CHORDC1: variants seen among roughly 807,000 people sequenced by gnomAD.
CHORDC1 encodes the protein cysteine and histidine rich domain containing 1.
Under a neutral mutation model 48.3 loss-of-function variants are expected in CHORDC1, and 25 were observed. The observed-to-expected ratio is 0.52, with a 90% CI of 0.38 to 0.72. The LOEUF (loss-of-function observed/expected upper bound fraction) is 0.72. CHORDC1 is among the 30% of genes least tolerant of loss of function. CHORDC1 has a pLI of 0.00. For missense variants in CHORDC1, 317 were observed against 388.7 expected (o/e 0.82, Z 1.55); for synonymous variants, 128 against 126.4 (o/e 1.01, Z -0.09).
chr11:90,222,829 C>G (rs1296818960), intron 1 of CHORDC1, 62 bp downstream of exon 1: 2 of 1,480,986 alleles, frequency 1.4e-6, no homozygotes, highest in African/African-American at 2.8e-5. Context: ...CCCTCCGGCC[C>G]AAAGGGCCTC....
intron 6 of CHORDC1, chr11:90,207,229 C>G (rs2135033118): frequency 6.1e-6 from 1 of 162,722 alleles, no homozygotes; most frequent in East Asian, 1.7e-4. Flanking sequence ...TTTAAGCAAT[C>G]AGACTATACT....
intron 7 of CHORDC1, 199 bp downstream of exon 7, chr11:90,206,003 T>C (rs1358727307): frequency 1.7e-6 from 1 of 578,620 alleles, no homozygotes; most frequent in Non-Finnish European, 3.1e-6. Context: ...ACTTAAGAAC[T>C]GTAACCTTGT....
intron 9 of CHORDC1, 91 bp downstream of exon 9, chr11:90,203,217 A>C (rs1473162981): frequency 1.6e-6 from 2 of 1,215,632 alleles, no homozygotes; most frequent in Non-Finnish European, 2.3e-6. Flanking sequence ...CCCCCAAATC[A>C]GCTGAGATAT....
chr11:90,204,806 TAAC>T (rs1857630733), intron 8 of CHORDC1, among the ~76,000 whole-genome samples: 1 of 152,086 alleles, frequency 6.6e-6, no homozygotes, highest in South Asian at 2.1e-4. Context: ...TAAAATACAT[TAAC>T]AATAGCTAAC....
intron 6 of CHORDC1, 74 bp downstream of exon 6, chr11:90,210,462 T>A (rs1857828796): frequency 1.1e-6 from 1 of 877,878 alleles, no homozygotes; most frequent in Admixed American, 2.1e-5. Flanking sequence ...TTTGTTGAAT[T>A]GAGTCAGCAA....
At chr11:90,217,153 T>C (rs1009221419) in intron 2 of CHORDC1, among the ~76,000 whole-genome samples, 1 of 152,218 alleles carries the variant, frequency 6.6e-6, no homozygotes, top group Non-Finnish European at 1.5e-5. Flanking sequence ...ACCAGACTAA[T>C]ACATCTTTTG....
At chr11:90,205,957 T>A in intron 7 of CHORDC1, 1 of 507,286 alleles carries the variant, frequency 2.0e-6, no homozygotes, top group East Asian at 3.7e-5. Context: ...AAATACAGAA[T>A]ATGAAGAAAA....
intron 8 of CHORDC1, among the ~76,000 whole-genome samples, chr11:90,204,281 CATTTT>C (rs921437185): frequency 1.3e-5 from 2 of 151,980 alleles, no homozygotes; most frequent in African/African-American, 2.4e-5. Context: ...TGGAAAACAA[CATTTT>C]ATTTTTTCAA....
rs551242768 is a variant in CHORDC1, at chr11:90,201,228, A to G, written c.*1177T>C. ...GGGAAATAAACCCCTTTTAATTTTA[A>G]ATCTACATAAGTTTAATTTATTCCC... On this transcript the variant is annotated 3_prime_UTR_variant, in exon 11 of 11. Transcript: ENST00000320585. The G allele has an allele frequency of 6.6e-6, 1 of 152,078 alleles. No individual in the cohort carries two copies. Among genetic ancestry groups the G allele is most frequent in the South Asian group, 2.1e-4 (1 of 4,826 alleles). The allele number at this position is 152,078 out of a possible 1,614,324, so 9.4% of individuals were successfully genotyped here.
At position 90,200,896 on chromosome 11, in the gene CHORDC1, A is replaced by C. The variant is rs563441023; in HGVS notation, c.*1509T>G. ...CTAAATGGTTCCTAAATCATGGAAG[A>C]TAACTTGAAAAATTTTAAATACATC... On this transcript the variant is annotated 3_prime_UTR_variant, in exon 11 of 11. Coordinates refer to ENST00000320585, the MANE Select transcript of CHORDC1 (RefSeq NM_012124.3). Among the ~76,000 whole-genome samples the C allele has an allele frequency of 6.6e-6, 1 of 151,998 alleles. No homozygotes were observed. Among genetic ancestry groups the C allele is most frequent in the Admixed American group, 6.6e-5 (1 of 15,264 alleles).
At chr11:90,214,681 T>C (rs1857965369) in intron 3 of CHORDC1, among the ~76,000 whole-genome samples, 1 of 152,082 alleles carries the variant, frequency 6.6e-6, no homozygotes, top group Non-Finnish European at 1.5e-5. Flanking sequence ...GGTGATAACA[T>C]TCAACAAACG....
Position 90,200,583 on chromosome 11 carries a change from TA to T in CHORDC1, c.*1821del, listed in dbSNP as rs1857522028. Among the ~76,000 whole-genome samples the T allele has an allele frequency of 6.6e-6, 1 of 151,914 alleles. No homozygotes were observed. Among genetic ancestry groups the T allele is most frequent in the South Asian group, 2.1e-4 (1 of 4,826 alleles). Reference sequence around the variant, plus strand: ...CTGGACAAGAAATTCAAAGGCTCCTTAAGAAGAAAGTAAATACCATGGTCAC... The same window carrying T: ...CTGGACAAGAAATTCAAAGGCTCCTTAGAAGAAAGTAAATACCATGGTCAC... On this transcript the variant is annotated 3_prime_UTR_variant, in exon 11 of 11. Transcript: ENST00000320585.
rs531990724 is a variant in CHORDC1 at position 90,219,254 on chromosome 11, A to G, written c.65-1070T>C. The stretch of plus-strand genomic sequence containing the variant: ...ACTACAGCCTAGGTGACAGAGCAAG[A>G]CTCCATCTTAAAAAAAACAAACAAA... On this transcript the variant is annotated intron_variant, in intron 1 of 10. Coordinates refer to ENST00000320585, the MANE Select transcript of CHORDC1 (RefSeq NM_012124.3). Among the ~76,000 whole-genome samples, 4 of 150,234 alleles carry G rather than the reference A, an allele frequency of 2.7e-5. No individual in the cohort carries two copies. In the South Asian group the frequency reaches 8.6e-4, roughly 32 times the overall value.
At chr11:90,210,660 A>G in intron 5 of CHORDC1, 66 bp from the exon 6 acceptor site, 2 of 1,014,188 alleles carry the variant, frequency 2.0e-6, no homozygotes, top group East Asian at 5.0e-5. Flanking sequence ...CATCATTCTT[A>G]AAAACTAGGT....
chr11:90,219,661 C>T (rs1243842105), intron 1 of CHORDC1, among the ~76,000 whole-genome samples: 1 of 152,176 alleles, frequency 6.6e-6, no homozygotes, highest in Non-Finnish European at 1.5e-5. Flanking sequence ...CAGAGCCCAT[C>T]CCTTTATTTC....
At chr11:90,207,585 T>C (rs1274208022) in intron 6 of CHORDC1, 2 of 151,712 alleles carry the variant, frequency 1.3e-5, no homozygotes, top group Non-Finnish European at 1.5e-5. Context: ...CTAAAATATA[T>C]AAAGAATTCT....
In CHORDC1 at chr11:90,200,923, C is replaced by T. The variant is rs576967814; in HGVS notation, c.*1482G>A. Among the ~76,000 whole-genome samples, 43 of 152,094 alleles carry T rather than the reference C, an allele frequency of 2.8e-4. No homozygotes were observed. Among genetic ancestry groups the T allele is most frequent in the African/African-American group, 9.9e-4 (41 of 41,556 alleles). Reference sequence around the variant, plus strand: ...AACTTGAAAAATTTTAAATACATCTCCAGGTATCAGATGCTTATGTACTCC... The same window carrying T: ...AACTTGAAAAATTTTAAATACATCTTCAGGTATCAGATGCTTATGTACTCC... On this transcript the variant is annotated 3_prime_UTR_variant, in exon 11 of 11. Coordinates refer to ENST00000320585, the MANE Select transcript of CHORDC1 (RefSeq NM_012124.3).
Position 90,210,590 on chromosome 11 carries a change from T to A in CHORDC1, c.438A>T (p.Glu146Asp), listed in dbSNP as rs1466248701. 2 of 1,577,034 alleles carry A rather than the reference T, an allele frequency of 1.3e-6. No individual in the cohort carries two copies. The highest frequency in any genetic ancestry group is 2.2e-5 in the South Asian group (2 of 89,176). ...SSGNEENKKEEDNDEIKIGTS... is the reference protein window; with the variant it reads ...SSGNEENKKEDDNDEIKIGTS... ...TCCCAATCTTAATTTCATCATTGTC[T>A]TCTTCTGTAACAAAGAAAAAAAAAT... is the stretch of plus-strand genomic sequence containing the variant. Residue 146 changes from glutamate to aspartate, a missense_variant, in exon 6 of 11, where the codon GAA becomes GAT. Transcript: ENST00000320585.
In CHORDC1 at chr11:90,200,444, A is replaced by C. The variant is rs1857518986; in HGVS notation, c.*1961T>G. Among the ~76,000 whole-genome samples, 1 of 151,950 alleles carries C rather than the reference A, an allele frequency of 6.6e-6. No homozygotes were observed. Among genetic ancestry groups the C allele is most frequent in the Non-Finnish European group, 1.5e-5 (1 of 67,886 alleles). On this transcript the variant is annotated 3_prime_UTR_variant, in exon 11 of 11. Coordinates refer to ENST00000320585, the MANE Select transcript of CHORDC1 (RefSeq NM_012124.3). ...ACAAAGCAAATTTCTAGAGAAATAA[A>C]TCAATAAGCACTTTTTATTAACTTT...
Sources: gnomAD v4.1 joint callset for allele counts (sites outside exome capture counted in the v4.1 genomes callset) on GRCh38, gnomAD v4.1.1 for gene constraint, MANE v1.5 for transcripts, NCBI Gene and HGNC (gene_info 2026-07-23, HGNC 2026-07-21) for gene names.